The following ADGRB3 variants were observed in gnomAD, a reference collection of about 807,000 sequenced individuals.
The protein encoded by ADGRB3 is adhesion G protein-coupled receptor B3.
A neutral mutation model predicts 193.4 loss-of-function variants in ADGRB3; 37 were observed. That is an observed-to-expected ratio of 0.19 (90% CI 0.15 to 0.25). ADGRB3 has a LOEUF of 0.25. ADGRB3 is among the 10% of genes least tolerant of loss of function. ADGRB3 has a pLI of 1.00. For missense variants in ADGRB3, 1,637 were observed against 1,852.9 expected, an observed-to-expected ratio of 0.88 and a Z score of 2.14; for synonymous variants, 690 against 644.2, an observed-to-expected ratio of 1.07 and a Z score of -1.08.
chr6:68,795,790 T>C (rs1767195915), intron 3 of ADGRB3, among the ~76,000 whole-genome samples: 1 of 152,180 alleles, frequency 6.6e-6, no homozygotes, highest in Non-Finnish European at 1.5e-5. Flanking sequence ...TGTACTTTTG[T>C]CAGATTTTGA....
intron 3 of ADGRB3, among the ~76,000 whole-genome samples, chr6:68,728,273 T>C (rs1194718773): frequency 6.6e-6 from 1 of 150,852 alleles, no homozygotes; most frequent in South Asian, 2.1e-4. Flanking sequence ...AGCTATACTT[T>C]CCAGTAACAT....
At chr6:68,938,852 G>A (rs1767557951) in intron 5 of ADGRB3, among the ~76,000 whole-genome samples, 1 of 152,072 alleles carries the variant, frequency 6.6e-6, no homozygotes, top group Non-Finnish European at 1.5e-5. Flanking sequence ...TGTCAATAAA[G>A]AATTATGCTG....
chr6:69,019,943 A>G (rs1582398543), intron 13 of ADGRB3, among the ~76,000 whole-genome samples: 2 of 152,176 alleles, frequency 1.3e-5, no homozygotes, highest in East Asian at 3.9e-4. Flanking sequence ...TAGGAACGGT[A>G]TAACATGTCT....
At chr6:68,642,028 G>A (rs1396736414) in intron 3 of ADGRB3, among the ~76,000 whole-genome samples, 1 of 151,772 alleles carries the variant, frequency 6.6e-6, no homozygotes, top group Non-Finnish European at 1.5e-5. Flanking sequence ...TTAAAATTGG[G>A]TTTTAAAAAT....
At chr6:68,927,883 TCAA>T (rs894960429) in intron 3 of ADGRB3, among the ~76,000 whole-genome samples, 1 of 152,130 alleles carries the variant, frequency 6.6e-6, no homozygotes, top group Non-Finnish European at 1.5e-5. Context: ...ACAACAATAA[TCAA>T]CAATTCCAAT....
At chr6:68,886,848 C>G (rs757703098) in intron 3 of ADGRB3, among the ~76,000 whole-genome samples, 2 of 151,672 alleles carry the variant, frequency 1.3e-5, no homozygotes, top group African/African-American at 2.4e-5. Flanking sequence ...GTTCTGTGAC[C>G]TGCTTTTTCA....
intron 3 of ADGRB3, among the ~76,000 whole-genome samples, chr6:68,813,760 T>C (rs1192964809): frequency 6.6e-6 from 1 of 152,134 alleles, no homozygotes; most frequent in Non-Finnish European, 1.5e-5. Flanking sequence ...CCTGTGTCCA[T>C]GTGTTCTCAT....
At chr6:68,778,112 T>C (rs1401834261) in intron 3 of ADGRB3, among the ~76,000 whole-genome samples, 1 of 152,134 alleles carries the variant, frequency 6.6e-6, no homozygotes, top group Non-Finnish European at 1.5e-5. Context: ...CTGAAGTAGA[T>C]GCTATTTCAT....
intron 20 of ADGRB3, 53 bp downstream of exon 20, chr6:69,239,279 T>G (rs1561962901): frequency 1.6e-6 from 2 of 1,225,570 alleles, no homozygotes; most frequent in Non-Finnish European, 2.3e-6. Flanking sequence ...TTTGGCATAT[T>G]GTTAGTTATT....
At chr6:69,026,852 A>T (rs1271256029) in intron 13 of ADGRB3, among the ~76,000 whole-genome samples, 2 of 152,178 alleles carry the variant, frequency 1.3e-5, no homozygotes, top group Non-Finnish European at 2.9e-5. Flanking sequence ...TAAAAATGGT[A>T]CACCCGCATA....
chr6:69,300,157 G>T (rs1767919119), intron 20 of ADGRB3, among the ~76,000 whole-genome samples: 1 of 151,642 alleles, frequency 6.6e-6, no homozygotes, highest in Non-Finnish European at 1.5e-5. Context: ...ATACAAAGAT[G>T]GTTTAACATA....
chr6:69,257,298 C>T (rs1766800635), intron 20 of ADGRB3, among the ~76,000 whole-genome samples: 1 of 152,050 alleles, frequency 6.6e-6, no homozygotes, highest in Admixed American at 6.6e-5. Flanking sequence ...CTCCTTGTAC[C>T]TCTGATAGAA....
chr6:69,354,465 C>T, intron 27 of ADGRB3, 137 bp downstream of exon 27: 1 of 686,560 alleles, frequency 1.5e-6, no homozygotes, highest in East Asian at 2.7e-5. Context: ...ACTGTGAACT[C>T]TGGTACCACA....
At chr6:69,137,687 C>T (rs1774192864) in intron 17 of ADGRB3, among the ~76,000 whole-genome samples, 1 of 152,094 alleles carries the variant, frequency 6.6e-6, no homozygotes, top group Non-Finnish European at 1.5e-5. Context: ...GTCCCAGCTA[C>T]TCGAGAGGCT....
At chr6:68,813,471 A>G (rs1196093146) in intron 3 of ADGRB3, among the ~76,000 whole-genome samples, 2 of 152,148 alleles carry the variant, frequency 1.3e-5, no homozygotes, top group African/African-American at 4.8e-5. Flanking sequence ...AACATATTAG[A>G]CCTAATATTA....
intron 3 of ADGRB3, among the ~76,000 whole-genome samples, chr6:68,686,306 C>T (rs1211145503): frequency 6.6e-6 from 1 of 152,054 alleles, no homozygotes; most frequent in African/African-American, 2.4e-5. Context: ...TTTCTTTGGC[C>T]CTCTAAAAAG....
At chr6:68,752,156 G>A (rs960524137) in intron 3 of ADGRB3, among the ~76,000 whole-genome samples, 5 of 151,958 alleles carry the variant, frequency 3.3e-5, no homozygotes, top group Admixed American at 6.6e-5. Flanking sequence ...GCAAGAAAAT[G>A]CACTTTAGGT....
At chr6:69,269,454 G>T (rs570375176) in intron 20 of ADGRB3, among the ~76,000 whole-genome samples, 3 of 152,202 alleles carry the variant, frequency 2.0e-5, no homozygotes, top group African/African-American at 7.2e-5. Context: ...TAATAAAGTG[G>T]TTTGTGCTTG....
intron 3 of ADGRB3, among the ~76,000 whole-genome samples, chr6:68,800,396 G>A (rs554733461): frequency 1.3e-5 from 2 of 152,168 alleles, no homozygotes; most frequent in Non-Finnish European, 2.9e-5. Flanking sequence ...GTGTTTGACT[G>A]TCTTCCTCTG....
Sources: allele counts gnomAD v4.1 joint callset (sites outside exome capture counted in the v4.1 genomes callset), GRCh38; gene constraint gnomAD v4.1.1; transcripts MANE v1.5; gene names NCBI Gene and HGNC (gene_info 2026-07-23, HGNC 2026-07-21).